The following ATP13A4 variants were observed in gnomAD, a reference collection of about 807,000 sequenced individuals.
ATP13A4 encodes ATPase 13A4.
A neutral mutation model predicts 142.5 loss-of-function variants in ATP13A4; 114 were observed. The observed-to-expected ratio is 0.80, with a 90% CI of 0.69 to 0.93. The LOEUF (loss-of-function observed/expected upper bound fraction) is 0.93, where lower values mean the gene tolerates loss of function less well. Ranked by LOEUF, ATP13A4 falls within the 40% of genes least tolerant of loss-of-function variation. ATP13A4 has a pLI of 0.00. For missense variants in ATP13A4, 1,392 were observed against 1,454.0 expected, an observed-to-expected ratio of 0.96 and a Z score of 0.69; for synonymous variants, 488 against 514.8, an observed-to-expected ratio of 0.95 and a Z score of 0.70.
intron 2 of ATP13A4, among the ~76,000 whole-genome samples, chr3:193,573,292 C>CTTTT (rs1553862256): frequency 1.9e-5 from 2 of 107,858 alleles, no homozygotes; most frequent in Admixed American, 9.0e-5. Context: ...TATATATACA[C>CTTTT]ATATATATAT....
intron 3 of ATP13A4, among the ~76,000 whole-genome samples, chr3:193,499,800 G>T (rs561326638): frequency 1.3e-5 from 2 of 152,160 alleles, no homozygotes; most frequent in Non-Finnish European, 2.9e-5. Flanking sequence ...TTATCAAGAG[G>T]CAGAAACCAC....
intron 6 of ATP13A4, among the ~76,000 whole-genome samples, chr3:193,490,748 G>T (rs796902585): frequency 6.6e-6 from 1 of 152,060 alleles, no homozygotes; most frequent in African/African-American, 2.4e-5. Context: ...GAAAGTACCT[G>T]AAGTTTAGTA....
At chr3:193,444,212 T>C (rs190451403) in intron 18 of ATP13A4, among the ~76,000 whole-genome samples, 9 of 152,172 alleles carry the variant, frequency 5.9e-5, no homozygotes, top group Admixed American at 5.9e-4. Flanking sequence ...AAGAAAACAA[T>C]ACTTCAAATT....
At chr3:193,489,971 C>A (rs758564019) in intron 6 of ATP13A4, 107 bp from the exon 7 acceptor site, 284 of 1,236,472 alleles carry the variant, frequency 2.3e-4, no homozygotes, top group Non-Finnish European at 2.9e-4. Context: ...TCATCCCACA[C>A]AATATTCTTA....
At chr3:193,555,136 C>T (rs1560281065), upstream of ATP13A4, 1 of 395,388 alleles carries the variant, frequency 2.5e-6, no homozygotes, top group East Asian at 6.1e-5. Flanking sequence ...CAGTGCCTGC[C>T]AGCCTCAGAC....
intron 3 of ATP13A4, among the ~76,000 whole-genome samples, chr3:193,493,568 C>T (rs949608749): frequency 1.3e-5 from 2 of 152,040 alleles, no homozygotes; most frequent in Non-Finnish European, 2.9e-5. Flanking sequence ...TGATGGAAGG[C>T]ATCATGATGG....
intron 28 of ATP13A4, among the ~76,000 whole-genome samples, chr3:193,409,843 C>A (rs960713018): frequency 6.6e-6 from 1 of 152,132 alleles, no homozygotes; most frequent in Non-Finnish European, 1.5e-5. Flanking sequence ...GAGTCTGATA[C>A]GCAATGATCA....
chr3:193,518,456 G>A (rs1721545400), intron 1 of ATP13A4, among the ~76,000 whole-genome samples: 1 of 152,142 alleles, frequency 6.6e-6, no homozygotes. Flanking sequence ...ATATAGGAAG[G>A]AAAGCAAGGG....
At chr3:193,433,980 T>C (rs781524843) in intron 24 of ATP13A4, 63 bp from the exon 25 acceptor site, 54 of 1,259,668 alleles carry the variant, frequency 4.3e-5, no homozygotes, top group Non-Finnish European at 6.2e-5. Context: ...TAGATATTGA[T>C]TACATTTATT....
chr3:193,407,465 G>A, intron 28 of ATP13A4, 72 bp from the exon 29 acceptor site: 2 of 1,209,012 alleles, frequency 1.7e-6, no homozygotes, highest in Admixed American at 1.7e-5. Context: ...CATGTTCACA[G>A]CATATATTTT....
intron 17 of ATP13A4, among the ~76,000 whole-genome samples, chr3:193,450,312 C>A (rs1257735226): frequency 6.6e-6 from 1 of 152,146 alleles, no homozygotes; most frequent in East Asian, 1.9e-4. Flanking sequence ...GCCCAACACA[C>A]AGCAAGTGCT....
intron 2 of ATP13A4, among the ~76,000 whole-genome samples, chr3:193,572,145 G>A (rs1724280134): frequency 6.6e-6 from 1 of 152,268 alleles, no homozygotes; most frequent in African/African-American, 2.4e-5. Context: ...CTACTCGGGA[G>A]GCTAAAGTGG....
intron 17 of ATP13A4, among the ~76,000 whole-genome samples, chr3:193,449,314 G>A (rs957957798): frequency 7.2e-5 from 11 of 152,150 alleles, no homozygotes; most frequent in African/African-American, 1.9e-4. Context: ...GACACAGATC[G>A]AGAACAAGAC....
chr3:193,478,549 T>C (rs1420531546), intron 8 of ATP13A4, among the ~76,000 whole-genome samples: 2 of 151,736 alleles, frequency 1.3e-5, no homozygotes, highest in South Asian at 4.1e-4. Context: ...TTCCTGGAAA[T>C]ATACAACCCT....
chr3:193,450,831 G>T (rs1717233351), intron 17 of ATP13A4, among the ~76,000 whole-genome samples: 1 of 152,158 alleles, frequency 6.6e-6, no homozygotes, highest in Non-Finnish European at 1.5e-5. Context: ...AGGCCATAAA[G>T]GGAGCTGAGG....
At chr3:193,479,621 T>C (rs1560218208) in intron 8 of ATP13A4, among the ~76,000 whole-genome samples, 2 of 151,896 alleles carry the variant, frequency 1.3e-5, no homozygotes, top group Non-Finnish European at 2.9e-5. Context: ...TTATAAACGA[T>C]ACAAACAAAT....
intron 2 of ATP13A4, chr3:193,578,989 C>CT: frequency 4.8e-6 from 1 of 207,948 alleles, no homozygotes; most frequent in East Asian, 1.1e-4. Context: ...TTTTCACACC[C>CT]TGTGTGTAAG....
intron 1 of ATP13A4, among the ~76,000 whole-genome samples, chr3:193,548,688 G>A (rs1039590889): frequency 6.6e-6 from 1 of 152,150 alleles, no homozygotes; most frequent in East Asian, 1.9e-4. Context: ...GAGAAGAAAA[G>A]ACGAACATCA....
At chr3:193,439,803 T>C (rs115865161) in intron 21 of ATP13A4, among the ~76,000 whole-genome samples, 432 of 152,350 alleles carry the variant, frequency 2.8e-3, no homozygotes, top group Non-Finnish European at 5.1e-3. Flanking sequence ...AGGGAACTCG[T>C]TGACTCTCTA....
Sources: allele counts gnomAD v4.1 joint callset (sites outside exome capture counted in the v4.1 genomes callset), GRCh38; gene constraint gnomAD v4.1.1; transcripts MANE v1.5; gene names NCBI Gene and HGNC (gene_info 2026-07-23, HGNC 2026-07-21).